MAN1C1: variants seen among roughly 807,000 people sequenced by gnomAD.
MAN1C1 encodes the protein mannosyl-oligosaccharide 1,2-alpha-mannosidase IC.
In MAN1C1, 49 loss-of-function variants were observed where a neutral mutation model predicts 71.5. The ratio of observed to expected loss-of-function variants is 0.69; its 90% CI spans 0.54 to 0.87. The LOEUF (loss-of-function observed/expected upper bound fraction) is 0.87, where lower values mean the gene tolerates loss of function less well. MAN1C1 is among the 40% of genes least tolerant of loss of function. The probability of loss-of-function intolerance (pLI) is 0.00; values close to 1 mark genes in which losing one functional copy is unlikely to be tolerated. For missense variants in MAN1C1, 743 were observed against 835.0 expected (o/e 0.89, Z 1.36); for synonymous variants, 352 against 343.7 (o/e 1.02, Z -0.27).
intron 2 of MAN1C1, among the ~76,000 whole-genome samples, chr1:25,690,228 A>G (rs1218636832): frequency 6.6e-6 from 1 of 151,504 alleles, no homozygotes; most frequent in Non-Finnish European, 1.5e-5. Context: ...AGTGGCCACC[A>G]ACAACGAGGA....
chr1:25,730,200 G>A lies in MAN1C1; in HGVS notation c.638-16468G>A, dbSNP rs1271875630. ...AGAAAGAGAAATTCCTCAGATTATG[G>A]TCTGTCATAATCCCCTCCCTGCTTC... On this transcript the variant is annotated intron_variant, in intron 2 of 11. Coordinates refer to ENST00000374332, the MANE Select transcript of MAN1C1 (RefSeq NM_020379.4). The surrounding 1 kb of genome is among the most constrained non-coding windows in gnomAD (Gnocchi z 4.3). 6.6e-6 allele frequency among the ~76,000 whole-genome samples: 1 copy of A among 152,056 alleles called. No individual in the cohort carries two copies. The highest frequency in any genetic ancestry group is 2.4e-5 in the African/African-American group (1 of 41,380).
At chr1:25,724,026 CTT>C (rs1209904579) in intron 2 of MAN1C1, among the ~76,000 whole-genome samples, 42 of 135,424 alleles carry the variant, frequency 3.1e-4, no homozygotes, top group Admixed American at 4.5e-4. Context: ...GACTGCCTAC[CTT>C]TTTTTTTTTT....
Position 25,631,438 on chromosome 1 carries a change from G to GT in MAN1C1, c.540+13109dup, listed in dbSNP as rs569983196. ...CCTTTCTATGCCTGGTTTGTTGAGA[G>GT]TTTTTTTTATCATAAAAGGATGCTG... On this transcript the variant is annotated intron_variant, in intron 1 of 11. Coordinates refer to ENST00000374332, the MANE Select transcript of MAN1C1 (RefSeq NM_020379.4). The surrounding 1 kb of genome is among the most constrained non-coding windows in gnomAD (Gnocchi z 4.2). Among the ~76,000 whole-genome samples, 305 of 152,018 alleles carry GT rather than the reference G, an allele frequency of 2.0e-3. 1 individual carries two copies. The highest frequency in any genetic ancestry group is 5.8e-3 in the African/African-American group (240 of 41,470).
intron 1 of MAN1C1, among the ~76,000 whole-genome samples, chr1:25,626,952 A>G (rs1319670691): frequency 5.3e-5 from 8 of 152,196 alleles, no homozygotes; most frequent in Admixed American, 5.2e-4. Context: ...GTTTAAAAAA[A>G]ACTTTGCCTA....
At chr1:25,647,104 C>T (rs1294549207) in intron 1 of MAN1C1, among the ~76,000 whole-genome samples, 2 of 152,120 alleles carry the variant, frequency 1.3e-5, no homozygotes, top group Non-Finnish European at 2.9e-5. Context: ...ACCAGAATTA[C>T]CTGGAGTGAC....
intron 1 of MAN1C1, among the ~76,000 whole-genome samples, chr1:25,685,866 A>T (rs1318538697): frequency 6.6e-6 from 1 of 152,176 alleles, no homozygotes; most frequent in East Asian, 1.9e-4. Context: ...AAAGGAGTTC[A>T]AAGAGACTCG....
intron 7 of MAN1C1, among the ~76,000 whole-genome samples, chr1:25,766,483 G>A (rs986900771): frequency 7.2e-5 from 11 of 152,124 alleles, no homozygotes; most frequent in Non-Finnish European, 1.0e-4. Context: ...CAGGTTCTGC[G>A]TAGCCCATTT....
intron 1 of MAN1C1, among the ~76,000 whole-genome samples, chr1:25,672,152 A>G (rs1258848785): frequency 6.6e-6 from 1 of 152,256 alleles, no homozygotes; most frequent in Admixed American, 6.5e-5. Flanking sequence ...CAAAGGCCAG[A>G]GAACTTGTTG....
chr1:25,742,575 G>A (rs538745658), intron 2 of MAN1C1, among the ~76,000 whole-genome samples: 1 of 152,212 alleles, frequency 6.6e-6, no homozygotes, highest in African/African-American at 2.4e-5. Flanking sequence ...CCCAGTGCCA[G>A]TAGGGGCAAG....
intron 8 of MAN1C1, among the ~76,000 whole-genome samples, chr1:25,777,123 C>T (rs1476087992): frequency 1.3e-5 from 2 of 152,150 alleles, no homozygotes; most frequent in Non-Finnish European, 2.9e-5. Context: ...CATAAGGGCA[C>T]TTGGAAACCA....
intron 2 of MAN1C1, among the ~76,000 whole-genome samples, chr1:25,742,067 C>T (rs1184369815): frequency 6.6e-6 from 1 of 152,192 alleles, no homozygotes; most frequent in Non-Finnish European, 1.5e-5. Context: ...GCTGTGGGCA[C>T]TCTCAGGGCA....
intron 2 of MAN1C1, among the ~76,000 whole-genome samples, chr1:25,719,751 A>G (rs531328350): frequency 6.6e-6 from 1 of 151,968 alleles, no homozygotes; most frequent in African/African-American, 2.4e-5. Flanking sequence ...TTGCCATTCT[A>G]GTGGGTGGAA....
chr1:25,685,893 G>T (rs1242496067), intron 1 of MAN1C1, among the ~76,000 whole-genome samples: 1 of 152,184 alleles, frequency 6.6e-6, no homozygotes, highest in East Asian at 1.9e-4. Context: ...GATTTTAGGG[G>T]ACAAAACCAA....
intron 1 of MAN1C1, among the ~76,000 whole-genome samples, chr1:25,635,243 G>A (rs1300150523): frequency 6.6e-6 from 1 of 151,928 alleles, no homozygotes; most frequent in Non-Finnish European, 1.5e-5. Flanking sequence ...GACTTCATCA[G>A]TAGAGCATTA....
intron 2 of MAN1C1, among the ~76,000 whole-genome samples, chr1:25,723,798 C>T (rs1010842506): frequency 6.6e-6 from 1 of 152,172 alleles, no homozygotes; most frequent in African/African-American, 2.4e-5. Context: ...ATTTACCATT[C>T]AAACAGCGGG....
rs1458120138 is a variant in MAN1C1 at position 25,618,344 on chromosome 1, ACT to A, written c.540+9_540+10del. On this transcript the variant is annotated splice_region_variant and intron_variant, in intron 1 of 11. Coordinates refer to ENST00000374332, the MANE Select transcript of MAN1C1 (RefSeq NM_020379.4). ...GCGGGAGAAAATCAAGGAGGTATGGACTCAGCCCCCAAACTCCTCCCACCAAC... is the reference window on the plus strand; with the variant it reads ...GCGGGAGAAAATCAAGGAGGTATGGACAGCCCCCAAACTCCTCCCACCAAC... The A allele has an allele frequency of 1.1e-5, 17 of 1,592,116 alleles. No individual in the cohort carries two copies. The highest frequency in any genetic ancestry group is 1.3e-5 in the Non-Finnish European group (15 of 1,172,200).
intron 6 of MAN1C1, chr1:25,760,448 AT>A: frequency 6.6e-6 from 1 of 152,094 alleles, no homozygotes; most frequent in East Asian, 1.9e-4. Context: ...TACTCTGGCT[AT>A]TTTCATCCCC....
At chr1:25,767,804 C>CTTCACGTACATCCA (rs2047463164) in intron 7 of MAN1C1, among the ~76,000 whole-genome samples, 1 of 139,428 alleles carries the variant, frequency 7.2e-6, no homozygotes, top group Non-Finnish European at 1.5e-5. Context: ...TACACACTCC[C>CTTCACGTACATCCA]CTCACGTACA....
intron 1 of MAN1C1, among the ~76,000 whole-genome samples, chr1:25,659,399 C>T (rs2124095226): frequency 6.6e-6 from 1 of 152,312 alleles, no homozygotes; most frequent in South Asian, 2.1e-4. Context: ...TTACATACTT[C>T]CTTATGTAAA....
Sources: allele counts gnomAD v4.1 joint callset (sites outside exome capture counted in the v4.1 genomes callset), GRCh38; gene constraint gnomAD v4.1.1; non-coding constraint Gnocchi (gnomAD v3.1); transcripts MANE v1.5; gene names NCBI Gene and HGNC (gene_info 2026-07-23, HGNC 2026-07-21).